RAB10: variants seen among roughly 807,000 people sequenced by gnomAD.
RAB10 encodes ras-related protein Rab-10.
RAB10 carries 5 observed loss-of-function variants against 25.7 expected under a neutral mutation model. The observed-to-expected ratio is 0.19, with a 90% CI of 0.10 to 0.41. The LOEUF (loss-of-function observed/expected upper bound fraction) is 0.41, where lower values mean the gene tolerates loss of function less well. Ranked by LOEUF, RAB10 falls within the 10% of genes least tolerant of loss-of-function variation. The pLI is 1.00. For synonymous variants in RAB10, 89 were observed against 86.4 expected, an observed-to-expected ratio of 1.03 and a Z score of -0.16; for missense variants, 103 against 245.8, an observed-to-expected ratio of 0.42 and a Z score of 3.89.
intron 3 of RAB10, among the ~76,000 whole-genome samples, chr2:26,126,135 T>A (rs1008864321): frequency 1.3e-5 from 2 of 152,202 alleles, no homozygotes; most frequent in African/African-American, 4.8e-5. Context: ...ATTGACTGAT[T>A]TTGGCATCCT....
At chr2:26,089,432 A>G (rs1559590008) in intron 1 of RAB10, among the ~76,000 whole-genome samples, 1 of 152,082 alleles carries the variant, frequency 6.6e-6, no homozygotes, top group Non-Finnish European at 1.5e-5. Context: ...CAAAAAAAAA[A>G]AAAAAAGAGA....
chr2:26,048,059 A>C (rs1391687448), intron 1 of RAB10, among the ~76,000 whole-genome samples: 1 of 148,138 alleles, frequency 6.8e-6, no homozygotes, highest in Non-Finnish European at 1.5e-5. Flanking sequence ...TTTTTTTTAA[A>C]TTGTTGAGTA....
At chr2:26,117,874 A>T (rs1037439907) in intron 3 of RAB10, among the ~76,000 whole-genome samples, 2 of 152,206 alleles carry the variant, frequency 1.3e-5, no homozygotes, top group Non-Finnish European at 2.9e-5. Flanking sequence ...GGCTATAGAG[A>T]TATTTAGAGA....
At chr2:26,127,290 T>G in intron 4 of RAB10, 57 bp downstream of exon 4, 1 of 1,262,638 alleles carries the variant, frequency 7.9e-7, no homozygotes, top group Non-Finnish European at 1.1e-6. Context: ...TAATGCTACT[T>G]TTGATTATTT....
rs1416512767 is a variant in RAB10 at position 26,096,403 on chromosome 2, T to G, written c.128-2259T>G. ...TTGCCATAGTGGGTGGGTGGGCGGA[T>G]GGATGGCTGGATGGATGGCTGGCTG... is the stretch of plus-strand genomic sequence containing the variant. On this transcript the variant is annotated intron_variant, in intron 1 of 5. Transcript: ENST00000264710. 2.3e-5 allele frequency among the ~76,000 whole-genome samples: 3 copies of G among 128,358 alleles called. 1 individual carries two copies. Among genetic ancestry groups the G allele is most frequent in the Non-Finnish European group, 4.9e-5 (3 of 60,698 alleles). 84.2% of individuals were successfully genotyped at this position (128,358 alleles called of 152,430 possible).
Position 26,122,146 on chromosome 2 carries a change from C to T in RAB10, c.328-4998C>T, listed in dbSNP as rs189388527. 3.3e-3 allele frequency among the ~76,000 whole-genome samples: 508 copies of T among 152,302 alleles called. 2 individuals carry two copies. Among genetic ancestry groups the T allele is most frequent in the Admixed American group, 7.1e-3 (109 of 15,296 alleles). ...AATATGTACTGTAGAATGAGGTCTG[C>T]AGCTGTGGTTGCCCGTTATTTCAAG... On this transcript the variant is annotated intron_variant, in intron 3 of 5. Coordinates refer to ENST00000264710, the MANE Select transcript of RAB10 (RefSeq NM_016131.5).
At chr2:26,106,965 G>T (rs1667475422) in intron 2 of RAB10, among the ~76,000 whole-genome samples, 1 of 151,720 alleles carries the variant, frequency 6.6e-6, no homozygotes, top group South Asian at 2.1e-4. Flanking sequence ...ACGTGAAGAG[G>T]CTGGGTGTGG....
At chr2:26,078,694 C>G (rs1412224873) in intron 1 of RAB10, among the ~76,000 whole-genome samples, 2 of 151,940 alleles carry the variant, frequency 1.3e-5, no homozygotes, top group East Asian at 1.9e-4. Flanking sequence ...ACCTGATGAA[C>G]CTAGGTAGGG....
At chr2:26,076,960 A>C (rs1037529749) in intron 1 of RAB10, among the ~76,000 whole-genome samples, 127 of 151,628 alleles carry the variant, frequency 8.4e-4, no homozygotes, top group Admixed American at 1.1e-3. Flanking sequence ...AAAAAAAAAA[A>C]CAGAAAAGTG....
At chr2:26,125,983 T>C (rs971048271) in intron 3 of RAB10, among the ~76,000 whole-genome samples, 3 of 152,208 alleles carry the variant, frequency 2.0e-5, no homozygotes, top group African/African-American at 7.2e-5. Flanking sequence ...TGTTTTCTTC[T>C]AAGAGTTTTA....
At chr2:26,063,058 T>C (rs1213140155) in intron 1 of RAB10, among the ~76,000 whole-genome samples, 1 of 149,536 alleles carries the variant, frequency 6.7e-6, no homozygotes, top group Non-Finnish European at 1.5e-5. Context: ...GGGGTTGCCG[T>C]GAGCCGACAT....
chr2:26,067,097 T>C (rs1324817335), intron 1 of RAB10, among the ~76,000 whole-genome samples: 3 of 152,052 alleles, frequency 2.0e-5, no homozygotes, highest in Admixed American at 6.6e-5. Flanking sequence ...TTGTATTTTT[T>C]GTAGAGACGG....
chr2:26,060,284 TTTTGTTTG>T (rs904917490), intron 1 of RAB10, among the ~76,000 whole-genome samples: 7 of 151,066 alleles, frequency 4.6e-5, no homozygotes, highest in Non-Finnish European at 1.5e-5. Flanking sequence ...TTTTTTGTTT[TTTTGTTTG>T]TTTGTTTGTT....
intron 1 of RAB10, among the ~76,000 whole-genome samples, chr2:26,043,080 C>T (rs1574524353): frequency 6.6e-6 from 1 of 152,196 alleles, no homozygotes; most frequent in South Asian, 2.1e-4. Flanking sequence ...AATGAAATTA[C>T]CATATGATCT....
At chr2:26,133,502 T>C (rs1558290733) in intron 5 of RAB10, among the ~76,000 whole-genome samples, 2 of 152,190 alleles carry the variant, frequency 1.3e-5, no homozygotes, top group Non-Finnish European at 2.9e-5. Context: ...GGGAGTATTA[T>C]GTTCTATATC....
chr2:26,079,451 G>T (rs1666818195), intron 1 of RAB10, among the ~76,000 whole-genome samples: 1 of 151,998 alleles, frequency 6.6e-6, no homozygotes, highest in Non-Finnish European at 1.5e-5. Context: ...AAGGAAGAAG[G>T]CTAGAATGAA....
intron 1 of RAB10, among the ~76,000 whole-genome samples, chr2:26,070,315 C>G (rs976178322): frequency 2.0e-5 from 3 of 152,184 alleles, no homozygotes; most frequent in Non-Finnish European, 4.4e-5. Context: ...TAGATTAAAT[C>G]AAGTAGTTGT....
At chr2:26,084,711 T>TCTTTCATAGTTCTG (rs11267660) in intron 1 of RAB10, among the ~76,000 whole-genome samples, 121,902 of 151,986 alleles carry the variant, frequency 0.8, 48,973 homozygotes, top group East Asian at 0.87. Flanking sequence ...TTTTACCCCT[T>TCTTTCATAGTTCTG]CAGTTTCAGT....
intron 1 of RAB10, among the ~76,000 whole-genome samples, chr2:26,097,421 G>T (rs1017925962): frequency 6.6e-6 from 1 of 152,054 alleles, no homozygotes; most frequent in African/African-American, 2.4e-5. Flanking sequence ...TTGCAAGCAT[G>T]CCCTACCACA....
Sources: gnomAD v4.1 joint callset for allele counts (sites outside exome capture counted in the v4.1 genomes callset) on GRCh38, gnomAD v4.1.1 for gene constraint, MANE v1.5 for transcripts, NCBI Gene and HGNC (gene_info 2026-07-23, HGNC 2026-07-21) for gene names.